The following ST8SIA5 variants were observed in gnomAD, a reference collection of about 807,000 sequenced individuals.
ST8SIA5 encodes ST8 alpha-N-acetyl-neuraminide alpha-2,8-sialyltransferase 5, also known as alpha-2,8-sialyltransferase 8E.
In ST8SIA5, 24 loss-of-function variants were observed where a neutral mutation model predicts 40.2. That is an observed-to-expected ratio of 0.60 (90% CI 0.43 to 0.84). The LOEUF (loss-of-function observed/expected upper bound fraction) is 0.84, where lower values mean the gene tolerates loss of function less well. Ranked by LOEUF, ST8SIA5 falls within the 40% of genes least tolerant of loss-of-function variation. The pLI is 0.00. For synonymous variants in ST8SIA5, 198 were observed against 201.8 expected, an observed-to-expected ratio of 0.98 and a Z score of 0.16; for missense variants, 465 against 498.5, an observed-to-expected ratio of 0.93 and a Z score of 0.64.
At chr18:46,694,259 T>C (rs1001218736) in intron 2 of ST8SIA5, among the ~76,000 whole-genome samples, 1 of 152,186 alleles carries the variant, frequency 6.6e-6, no homozygotes, top group Non-Finnish European at 1.5e-5. Flanking sequence ...GTGGATCCTA[T>C]GGTCAAATAT....
intron 1 of ST8SIA5, among the ~76,000 whole-genome samples, chr18:46,716,124 A>ATAGT (rs2039788581): frequency 6.6e-6 from 1 of 151,926 alleles, no homozygotes; most frequent in Admixed American, 6.6e-5. Flanking sequence ...AGATAGATAG[A>ATAGT]TAGATAGATA....
At chr18:46,697,340 G>A (rs2039566955) in intron 2 of ST8SIA5, among the ~76,000 whole-genome samples, 1 of 151,944 alleles carries the variant, frequency 6.6e-6, no homozygotes, top group Non-Finnish European at 1.5e-5. Context: ...GACAACTATT[G>A]GAGGAACAAA....
In ST8SIA5 at chr18:46,688,828, C is replaced by T; in HGVS notation, c.403G>A (p.Asp135Asn). The T allele has an allele frequency of 6.2e-7, 1 of 1,614,012 alleles. No homozygotes were observed. The highest frequency in any genetic ancestry group is 8.5e-7 in the Non-Finnish European group (1 of 1,179,984). Residue 135 changes from aspartate to asparagine, a missense_variant, in exon 4 of 7, where the codon GAC (aspartate) becomes AAC (asparagine). Physicochemically the swap from Asp to Asn is conservative, Grantham distance 23. Transcript: ENST00000315087. The part of the protein sequence containing the change: ...PLGTKLKYEV[D>N]TSGIYHINQE... ...TTGATGTGGTAGATGCCACTGGTGT[C>T]CACCTCATACTTGAGCTTTGTCCCC...
rs2039311157 is a variant in ST8SIA5 at position 46,671,849 on chromosome 18, C to T, written c.*8193G>A. On this transcript the variant is annotated 3_prime_UTR_variant, in exon 7 of 7. Coordinates refer to ENST00000315087, the MANE Select transcript of ST8SIA5 (RefSeq NM_013305.6). ...GAAGGAAGGGTCCACCAACCCCCAA[C>T]CAGGAAAAAGAACAGGGCAGCAGAA... 1 of 152,318 alleles carries T rather than the reference C, an allele frequency of 6.6e-6. No homozygotes were observed. Among genetic ancestry groups the T allele is most frequent in the African/African-American group, 2.4e-5 (1 of 41,446 alleles). The allele number at this position is 152,318 out of a possible 1,614,324, so 9.4% of individuals were successfully genotyped here. A position where few individuals can be genotyped will look rare whatever the true frequency, so the allele number is the denominator to read the frequency against.
chr18:46,685,113 A>C (rs1041142314), intron 5 of ST8SIA5, among the ~76,000 whole-genome samples: 9 of 152,142 alleles, frequency 5.9e-5, no homozygotes, highest in African/African-American at 2.2e-4. Flanking sequence ...CCTTATCCCC[A>C]TTTTGCAGAT....
chr18:46,689,017 G>T, intron 3 of ST8SIA5, 98 bp from the exon 4 acceptor site: 2 of 1,422,972 alleles, frequency 1.4e-6, no homozygotes, highest in Non-Finnish European at 9.4e-7. Flanking sequence ...TGGAGCCGAG[G>T]CCTCTCCTGC....
chr18:46,718,193 G>T (rs1413250963), intron 1 of ST8SIA5, among the ~76,000 whole-genome samples: 2 of 152,168 alleles, frequency 1.3e-5, no homozygotes. Context: ...AGCCGGCGCT[G>T]GTGGCAGGTG....
At position 46,688,771 on chromosome 18, in the gene ST8SIA5, G is replaced by A; in HGVS notation, c.456+4C>T. On this transcript the variant is annotated splice_donor_region_variant and intron_variant, in intron 4 of 6. Transcript: ENST00000315087. Reference sequence around the variant, plus strand: ...ACCCAGACCGCCCCCGCCCAAAGCAGCACCTTGGGAAACATGCGGAAGATC... The same window carrying A: ...ACCCAGACCGCCCCCGCCCAAAGCAACACCTTGGGAAACATGCGGAAGATC... 1 of 1,610,628 alleles carries A rather than the reference G, an allele frequency of 6.2e-7. No homozygotes were observed. Among genetic ancestry groups the A allele is most frequent in the Non-Finnish European group, 8.5e-7 (1 of 1,178,304 alleles).
At chr18:46,724,476 C>T (rs146146475) in intron 1 of ST8SIA5, among the ~76,000 whole-genome samples, 368 of 152,360 alleles carry the variant, frequency 2.4e-3, no homozygotes, top group African/African-American at 8.5e-3. Flanking sequence ...AGAAGGGCTC[C>T]GGTCTGGTTC....
intron 3 of ST8SIA5, among the ~76,000 whole-genome samples, chr18:46,689,900 T>A (rs1353372620): frequency 6.6e-6 from 1 of 151,950 alleles, no homozygotes; most frequent in Admixed American, 6.6e-5. Context: ...ATAATGTTTT[T>A]TTTTTTAATT....
intron 1 of ST8SIA5, among the ~76,000 whole-genome samples, chr18:46,755,795 T>C (rs2040238046): frequency 6.6e-6 from 1 of 151,806 alleles, no homozygotes; most frequent in Non-Finnish European, 1.5e-5. Flanking sequence ...AGGAATCAGG[T>C]TGTTGAGTTT....
intron 2 of ST8SIA5, among the ~76,000 whole-genome samples, chr18:46,696,255 A>T (rs2039556235): frequency 6.6e-6 from 1 of 152,146 alleles, no homozygotes; most frequent in African/African-American, 2.4e-5. Context: ...TCAGGACCTC[A>T]CAGGGTATGA....
At chr18:46,714,738 G>GT (rs1416252085) in intron 1 of ST8SIA5, among the ~76,000 whole-genome samples, 1 of 152,204 alleles carries the variant, frequency 6.6e-6, no homozygotes, top group Admixed American at 6.5e-5. Context: ...GACCTGTGAG[G>GT]TGCTTTAACC....
intron 1 of ST8SIA5, among the ~76,000 whole-genome samples, chr18:46,755,581 G>A (rs569144763): frequency 6.6e-6 from 1 of 152,120 alleles, no homozygotes; most frequent in Non-Finnish European, 1.5e-5. Context: ...GAAGTGGCTG[G>A]CATTTCAGTG....
At chr18:46,739,648 G>T (rs972287988) in intron 1 of ST8SIA5, among the ~76,000 whole-genome samples, 13 of 152,182 alleles carry the variant, frequency 8.5e-5, no homozygotes, top group African/African-American at 3.1e-4. Flanking sequence ...GACATTCAAA[G>T]ATTTCTATTT....
At position 46,677,768 on chromosome 18, in the gene ST8SIA5, T is replaced by C. The variant is rs1356563560; in HGVS notation, c.*2274A>G. ...TTCCAACCTGCAACACCCTCAGCTG[T>C]GGGAATCCTGATGTCTGTGTCACCA... On this transcript the variant is annotated 3_prime_UTR_variant, in exon 7 of 7. Coordinates refer to ENST00000315087, the MANE Select transcript of ST8SIA5 (RefSeq NM_013305.6). The C allele has an allele frequency of 1.3e-5, 2 of 152,116 alleles. No homozygotes were observed. Among genetic ancestry groups the C allele is most frequent in the African/African-American group, 2.4e-5 (1 of 41,412 alleles). The allele number at this position is 152,116 out of a possible 1,614,324, so 9.4% of individuals were successfully genotyped here.
At chr18:46,705,749 C>G (rs995967115) in intron 1 of ST8SIA5, among the ~76,000 whole-genome samples, 3 of 152,226 alleles carry the variant, frequency 2.0e-5, no homozygotes, top group African/African-American at 7.2e-5. Context: ...GCCTTAACAT[C>G]ATGAATCCAG....
chr18:46,724,947 C>T (rs1194759423), intron 1 of ST8SIA5, among the ~76,000 whole-genome samples: 2 of 147,366 alleles, frequency 1.4e-5, no homozygotes, highest in Non-Finnish European at 3.0e-5. Context: ...TGCACTCCAG[C>T]CTGGGTGACA....
At chr18:46,725,986 T>TCCTGG (rs1241616108) in intron 1 of ST8SIA5, among the ~76,000 whole-genome samples, 3 of 52,996 alleles carry the variant, frequency 5.7e-5, no homozygotes, top group African/African-American at 1.4e-4. Context: ...TATATATATA[T>TCCTGG]ATATATATAT....
Sources: gnomAD v4.1 joint callset for allele counts (sites outside exome capture counted in the v4.1 genomes callset) on GRCh38, gnomAD v4.1.1 for gene constraint, MANE v1.5 for transcripts, NCBI Gene and HGNC (gene_info 2026-07-23, HGNC 2026-07-21) for gene names.